SRPK3: variants seen among roughly 807,000 people sequenced by gnomAD.
SRPK3 encodes SRSF protein kinase 3, also known as SFRS protein kinase 3.
A neutral mutation model predicts 45.3 loss-of-function variants in SRPK3; 26 were observed. That is an observed-to-expected ratio of 0.57 (90% confidence interval 0.42 to 0.80). SRPK3 has a LOEUF of 0.80. SRPK3 is among the 30% of genes least tolerant of loss of function. SRPK3 has a pLI of 0.00. For synonymous variants in SRPK3, 254 were observed against 226.6 expected, an observed-to-expected ratio of 1.12 and a Z score of -1.09; for missense variants, 536 against 514.5, an observed-to-expected ratio of 1.04 and a Z score of -0.40.
At position 153,783,046 on chromosome X, in the gene SRPK3, T is replaced by A; in HGVS notation, c.676T>A (p.Tyr226Asn). The A allele has an allele frequency of 8.5e-7, 1 of 1,180,060 alleles. No individual in the cohort carries two copies. Among genetic ancestry groups the A allele is most frequent in the Non-Finnish European group, 1.1e-6 (1 of 879,436 alleles). ...ENILLCVGDA[Y>N]IRRLAAEATE... ...CATCTTGCTGTGTGTGGGGGACGCTTACATCAGGCGCCTGGCTGCCGAGGC... is the reference window on the plus strand; with the variant it reads ...CATCTTGCTGTGTGTGGGGGACGCTAACATCAGGCGCCTGGCTGCCGAGGC... The change falls in exon 7 of 15, where the codon TAC becomes AAC. Residue 226 changes from tyrosine to asparagine, a missense_variant. Tyr to Asn is a moderately radical substitution (Grantham distance 143). Coordinates refer to ENST00000370101, the MANE Select transcript of SRPK3 (RefSeq NM_014370.4).
At chrX:153,782,700 T>TC in intron 5 of SRPK3, 72 bp from the exon 6 acceptor site, 1 of 1,042,920 alleles carries the variant, frequency 9.6e-7, no homozygotes, top group Non-Finnish European at 1.3e-6. Flanking sequence ...GCCTTGCTGC[T>TC]CCCCTAGCTG....
At chrX:153,783,302 C>G (rs191542808) in intron 8 of SRPK3, 51 bp downstream of exon 8, 1 of 973,674 alleles carries the variant, frequency 1.0e-6, no homozygotes, top group South Asian at 2.3e-5. Context: ...TCTGAGCCAA[C>G]TGGAGGCCAT....
At position 153,783,600 on chromosome X, in the gene SRPK3, T is replaced by C. The variant is rs1292970867; in HGVS notation, c.775-152T>C. 15 of 915,625 alleles carry C rather than the reference T, an allele frequency of 1.6e-5. 1 individual carries two copies. The Admixed American group carries it at 5.0e-4, about 30-fold the overall frequency. 75.5% of individuals were successfully genotyped at this position (915,625 alleles called of 1,213,427 possible). A position where few individuals can be genotyped will look rare whatever the true frequency, so the allele number is the denominator to read the frequency against. On this transcript the variant is annotated intron_variant, in intron 8 of 14. Coordinates refer to ENST00000370101, the MANE Select transcript of SRPK3 (RefSeq NM_014370.4). The stretch of plus-strand genomic sequence containing the variant: ...GGAGGCAGGGAGAGTAGTGAGTAGC[T>C]GGTGCCAAGGGGCGCTGGCGCCACA...
At position 153,785,525 on chromosome X, in the gene SRPK3, G is replaced by A. The variant is rs782569294; in HGVS notation, c.*5G>A. On this transcript the variant is annotated 3_prime_UTR_variant, in exon 15 of 15. Transcript: ENST00000370101. Reference sequence around the variant, plus strand: ...CACCCCTGGCTCAACCCCTAGGCCCGGCTGTGGCTCCACCTCCAGCTCTCC... The same window carrying A: ...CACCCCTGGCTCAACCCCTAGGCCCAGCTGTGGCTCCACCTCCAGCTCTCC... 1.2e-5 allele frequency: 14 copies of A among 1,200,373 alleles called. No homozygotes were observed. Among genetic ancestry groups the A allele is most frequent in the Admixed American group, 2.2e-5 (1 of 45,724 alleles).
Position 153,783,269 on chromosome X carries a change from T to C in SRPK3, c.774+18T>C. The stretch of plus-strand genomic sequence containing the variant: ...AGGTCTTGGTAAGTTGGGGGGCCCC[T>C]CTCTCCCATGCCTCCTCTCCCATCT... On this transcript the variant is annotated intron_variant, in intron 8 of 14. Coordinates refer to ENST00000370101, the MANE Select transcript of SRPK3 (RefSeq NM_014370.4). 8.7e-7 allele frequency: 1 copy of C among 1,154,908 alleles called. No homozygotes were observed. Among genetic ancestry groups the C allele is most frequent in the Non-Finnish European group, 1.2e-6 (1 of 860,876 alleles).
Position 153,785,076 on chromosome X carries a change from C to G in SRPK3, c.1427-5C>G. 4 of 1,211,310 alleles carry G rather than the reference C, an allele frequency of 3.3e-6. No homozygotes were observed. Among genetic ancestry groups the G allele is most frequent in the Non-Finnish European group, 4.5e-6 (4 of 895,211 alleles). ...CTGCCCCCAACCTCCTCTTTCTGCC[C>G]ACAGACCACATCGCTCACATAGTGG... On this transcript the variant is annotated splice_polypyrimidine_tract_variant and splice_region_variant and intron_variant, in intron 13 of 14. Transcript: ENST00000370101.
intron 4 of SRPK3, 124 bp downstream of exon 4, chrX:153,781,954 T>C (rs1557067071): frequency 1.1e-6 from 1 of 939,958 alleles, no homozygotes; most frequent in East Asian, 3.1e-5. Flanking sequence ...AGCCTCCAGC[T>C]GGCTGTGCCC....
At chrX:153,784,697 G>C (rs782727636) in intron 11 of SRPK3, 53 bp from the exon 12 acceptor site, 31 of 984,227 alleles carry the variant, frequency 3.1e-5, no homozygotes, top group Middle Eastern at 6.5e-4. Flanking sequence ...GGAGTCCGTG[G>C]GGGCAGGACA....
rs149713949 is a variant in SRPK3, at chrX:153,785,487, T to C, written c.1671T>C (p.Ala557=). The C allele has an allele frequency of 2.4e-4, 293 of 1,208,844 alleles. 1 individual carries two copies. The highest frequency in any genetic ancestry group is 3.1e-4 in the Non-Finnish European group (280 of 894,405). The part of the protein sequence containing the change: ...EYIPEKRASA[A]DCLQHPWLNP ...TCCCCGAAAAGCGGGCCAGTGCCGC[T>C]GACTGCCTCCAGCACCCCTGGCTCA... Residue 557 remains alanine (A), a synonymous_variant, in exon 15 of 15, where the codon GCT becomes GCC. Coordinates refer to ENST00000370101, the MANE Select transcript of SRPK3 (RefSeq NM_014370.4).
At chrX:153,783,497 G>C (rs1383627453) in intron 8 of SRPK3, among the ~76,000 whole-genome samples, 2 of 113,053 alleles carry the variant, frequency 1.8e-5, no homozygotes, top group Non-Finnish European at 3.7e-5. Context: ...GGCTGAGAGG[G>C]GACAGAGAGC....
Position 153,783,994 on chromosome X carries a change from G to C in SRPK3, c.928G>C (p.Gly310Arg), listed in dbSNP as rs782377566. The C allele has an allele frequency of 8.3e-7, 1 of 1,199,136 alleles. No individual in the cohort carries two copies. The change falls in exon 10 of 15, where the codon GGG becomes CGG. Residue 310 changes from glycine to arginine, a missense_variant. Gly to Arg is a moderately radical substitution (Grantham distance 125). Coordinates refer to ENST00000370101, the MANE Select transcript of SRPK3 (RefSeq NM_014370.4). ...CCCAGACTCTGGCTTGAGACTAGAC[G>C]GGGGCAGCGGCTCCACATCCTCTTC... ...QAEDSGLRLDGGSGSTSSSGC... is the reference protein window; with the variant it reads ...QAEDSGLRLDRGSGSTSSSGC...
chrX:153,784,170 C>T lies in SRPK3; in HGVS notation c.1104C>T (p.Gly368=), dbSNP rs2092070425. The change falls in exon 10 of 15, where the codon GGC becomes GGT. Residue 368 remains glycine (G), a synonymous_variant. Transcript: ENST00000370101. Reference sequence around the variant, plus strand: ...CTGCCTCCTGCTCCATCCTCTCCGGCTCGTCCAATCAGCGAGAGACCGGGG... The same window carrying T: ...CTGCCTCCTGCTCCATCCTCTCCGGTTCGTCCAATCAGCGAGAGACCGGGG... ...FSPASCSILS[G]SSNQRETGGL... is the part of the protein sequence containing the mutation. 4 of 1,211,059 alleles carry T rather than the reference C, an allele frequency of 3.3e-6. No individual in the cohort carries two copies. Among genetic ancestry groups the T allele is most frequent in the Non-Finnish European group, 4.5e-6 (4 of 895,545 alleles).
rs781916472 is a variant in SRPK3 at position 153,781,243 on chromosome X, C to T, written c.87C>T (p.Ser29=). 8.3e-7 allele frequency: 1 copy of T among 1,209,094 alleles called. No homozygotes were observed. The highest frequency in any genetic ancestry group is 1.8e-5 in the South Asian group (1 of 56,672). The change falls in exon 2 of 15, where the codon TCC becomes TCT. Residue 29 remains serine, a synonymous_variant. Coordinates refer to ENST00000370101, the MANE Select transcript of SRPK3 (RefSeq NM_014370.4). The part of the protein sequence containing the change: ...SSSQASCGPE[S]SGSELALATP... Reference sequence around the variant, plus strand: ...CACAGGCCTCCTGCGGGCCCGAGTCCTCGGGCTCCGAACTAGCCCTGGCCA... The same window carrying T: ...CACAGGCCTCCTGCGGGCCCGAGTCTTCGGGCTCCGAACTAGCCCTGGCCA...
Position 153,782,888 on chromosome X carries a change from A to G in SRPK3, c.582+10A>G. 6 of 1,205,750 alleles carry G rather than the reference A, an allele frequency of 5.0e-6. No homozygotes were observed. Among genetic ancestry groups the G allele is most frequent in the Non-Finnish European group, 6.7e-6 (6 of 891,707 alleles). ...GAGCATCGTGAGGCAGGTGAGTGCC[A>G]CCCACTGGGCTGCCCAGCCTGGCCT... On this transcript the variant is annotated intron_variant, in intron 6 of 14. Transcript: ENST00000370101.
In SRPK3 at chrX:153,781,334, G is replaced by A; in HGVS notation, c.178G>A (p.Asp60Asn). ...SDDEEQEDPK[D>N]YCKGGYHPVK... is the part of the protein sequence containing the mutation. ...CGACGAGGAACAGGAAGACCCCAAA[G>A]ACTACTGCAAGGGTGAGACTTGGCC... is the stretch of plus-strand genomic sequence containing the variant. The change falls in exon 2 of 15, where the codon GAC (aspartate) becomes AAC (asparagine). Residue 60 changes from aspartate to asparagine, a missense_variant. Asp to Asn is a conservative substitution (Grantham distance 23). Transcript: ENST00000370101. 28 of 1,198,487 alleles carry A rather than the reference G, an allele frequency of 2.3e-5. No individual in the cohort carries two copies. Among genetic ancestry groups the A allele is most frequent in the Non-Finnish European group, 3.2e-5 (28 of 888,660 alleles).
chrX:153,783,184 T>G (rs1557067555), intron 7 of SRPK3, 42 bp from the exon 8 acceptor site: 1 of 1,061,059 alleles, frequency 9.4e-7, no homozygotes, highest in Non-Finnish European at 1.3e-6. Context: ...GAGTCTCTGT[T>G]CCTCCCTGTC....
intron 7 of SRPK3, 34 bp from the exon 8 acceptor site, chrX:153,783,192 G>GCC (rs781851056): frequency 4.1e-5 from 39 of 959,617 alleles, no homozygotes; most frequent in Middle Eastern, 3.3e-4. Flanking sequence ...GTTCCTCCCT[G>GCC]TCCCCCCCCA....
Position 153,781,068 on chromosome X carries a change from T to C in SRPK3, c.-19T>C. ...GAGCAGCCGCCCGGGGCACCGGAGC[T>C]GCGGGCTGCGTGGCCGGGATGAGCG... is the stretch of plus-strand genomic sequence containing the variant. On this transcript the variant is annotated 5_prime_UTR_variant, in exon 1 of 15. Transcript: ENST00000370101. The C allele has an allele frequency of 9.5e-7, 1 of 1,053,085 alleles. No individual in the cohort carries two copies. The highest frequency in any genetic ancestry group is 2.6e-5 in the South Asian group (1 of 38,230). The allele number at this position is 1,053,085 out of a possible 1,213,427, so 86.8% of individuals were successfully genotyped here.
chrX:153,784,172 C>T lies in SRPK3; in HGVS notation c.1106C>T (p.Ser369Leu). The change falls in exon 10 of 15, where the codon TCG becomes TTG. Residue 369 changes from serine to leucine, a missense_variant. Ser to Leu is a moderately radical substitution (Grantham distance 145, BLOSUM62 -2). Coordinates refer to ENST00000370101, the MANE Select transcript of SRPK3 (RefSeq NM_014370.4). ...SPASCSILSG[S>L]SNQRETGGLL... ...GCCTCCTGCTCCATCCTCTCCGGCTCGTCCAATCAGCGAGAGACCGGGGGC... is the reference window on the plus strand; with the variant it reads ...GCCTCCTGCTCCATCCTCTCCGGCTTGTCCAATCAGCGAGAGACCGGGGGC... 8.3e-7 allele frequency: 1 copy of T among 1,211,051 alleles called. No homozygotes were observed. Among genetic ancestry groups the T allele is most frequent in the Non-Finnish European group, 1.1e-6 (1 of 895,543 alleles).
Sources: gnomAD v4.1 joint callset for allele counts (sites outside exome capture counted in the v4.1 genomes callset) on GRCh38, gnomAD v4.1.1 for gene constraint, MANE v1.5 for transcripts, NCBI Gene and HGNC (gene_info 2026-07-23, HGNC 2026-07-21) for gene names.